NCOR2: variants seen among roughly 807,000 people sequenced by gnomAD.
The protein encoded by NCOR2 is CTG repeat protein 26.
In NCOR2, 81 loss-of-function variants were observed where a neutral mutation model predicts 262.9. The ratio of observed to expected loss-of-function variants is 0.31; its 90% CI spans 0.26 to 0.37. The LOEUF is 0.37. Among genes scored for constraint, NCOR2 ranks in the 10% least tolerant of loss-of-function variants. NCOR2 has a pLI of 1.00. For synonymous variants in NCOR2, 1,659 were observed against 1,559.3 expected (o/e 1.06, Z -1.51); for missense variants, 3,385 against 3,621.4 (o/e 0.93, Z 1.68).
chr12:124,414,248 T>C (rs2042743069), intron 13 of NCOR2, among the ~76,000 whole-genome samples: 1 of 152,186 alleles, frequency 6.6e-6, no homozygotes, highest in South Asian at 2.1e-4. Flanking sequence ...AGCAGGCTCC[T>C]TGGAAGCTTC....
At chr12:124,516,149 G>A (rs1245881063) in intron 1 of NCOR2, among the ~76,000 whole-genome samples, 5 of 152,218 alleles carry the variant, frequency 3.3e-5, no homozygotes, top group Non-Finnish European at 4.4e-5. Flanking sequence ...GGGCCTGGAC[G>A]CCCGGGGAAC....
At chr12:124,498,719 T>C (rs1037374875), upstream of NCOR2, among the ~76,000 whole-genome samples, 1 of 152,172 alleles carries the variant, frequency 6.6e-6, no homozygotes, top group Admixed American at 6.5e-5. Flanking sequence ...ACGGTATGCA[T>C]GTTCATGGCA....
intron 1 of NCOR2, among the ~76,000 whole-genome samples, chr12:124,509,244 G>GA (rs1159998811): frequency 2.0e-5 from 3 of 151,046 alleles, no homozygotes; most frequent in Non-Finnish European, 2.9e-5. Flanking sequence ...GTGGGGGGGG[G>GA]GGGGGCTTAA....
rs1037123509 is a variant in NCOR2 at position 124,332,139 on chromosome 12, G to C, written c.6904+180C>G. 9.9e-6 allele frequency: 7 copies of C among 706,064 alleles called. No homozygotes were observed. In the Admixed American group the frequency reaches 2.0e-4, roughly 21 times the overall value. The allele number at this position is 706,064 out of a possible 1,614,324, so 43.7% of individuals were successfully genotyped here. ...TCCTATGGAAAGCCCAGCAAATCAA[G>C]AAACTGCCCTGGGGCTCCCCAAATG... On this transcript the variant is annotated intron_variant, in intron 43 of 46. Transcript: ENST00000405201.
intron 1 of NCOR2, among the ~76,000 whole-genome samples, chr12:124,520,695 G>A (rs1156342810): frequency 6.6e-6 from 1 of 152,150 alleles, no homozygotes; most frequent in East Asian, 1.9e-4. Flanking sequence ...AGAGCCTGTG[G>A]CCAAAACCAA....
intron 13 of NCOR2, among the ~76,000 whole-genome samples, chr12:124,403,845 G>C (rs1413291175): frequency 6.6e-6 from 1 of 152,192 alleles, no homozygotes; most frequent in Non-Finnish European, 1.5e-5. Context: ...AGGCAACCGT[G>C]GGCTCCCTGA....
exon 32 of NCOR2, chr12:124,344,818 G>A: frequency 6.4e-7 from 1 of 1,555,418 alleles, no homozygotes; most frequent in Non-Finnish European, 8.7e-7. Flanking sequence ...ACGTTCCAGT[G>A]CCCGGGCGTC....
Position 124,440,630 on chromosome 12 carries a change from G to A in NCOR2, c.816-2634C>T, listed in dbSNP as rs1214188232. ...TGCCAGGCACTGTTCCAGGTGCTGG[G>A]GACACAGCAGGGAGCAAGACACAGT... On this transcript the variant is annotated intron_variant, in intron 7 of 46. Transcript: ENST00000405201. The surrounding 1 kb of genome is among the most constrained non-coding windows in gnomAD (Gnocchi z 5.7). Among the ~76,000 whole-genome samples, 1 of 152,256 alleles carries A rather than the reference G, an allele frequency of 6.6e-6. No homozygotes were observed. The highest frequency in any genetic ancestry group is 1.5e-5 in the Non-Finnish European group (1 of 68,050).
upstream of NCOR2, among the ~76,000 whole-genome samples, chr12:124,498,146 C>T (rs2136925290): frequency 6.6e-6 from 1 of 152,350 alleles, no homozygotes; most frequent in South Asian, 2.1e-4. Flanking sequence ...CCACGGGCAA[C>T]TTCCAAATTG....
chr12:124,528,200 T>A (rs145846892), intron 1 of NCOR2, among the ~76,000 whole-genome samples: 2 of 152,050 alleles, frequency 1.3e-5, no homozygotes, highest in Non-Finnish European at 2.9e-5. Context: ...TCCCTCCAGC[T>A]GGGGTGGGGA....
chr12:124,325,378 C>CCCCT, exon 47 of NCOR2: 1 of 232,298 alleles, frequency 4.3e-6, no homozygotes, highest in Non-Finnish European at 6.5e-6. Context: ...CCTGACACCG[C>CCCCT]CCCCCCCCCC....
At position 124,333,297 on chromosome 12, in the gene NCOR2, C is replaced by G. The variant is rs759882093; in HGVS notation, c.6606-18G>C. 18 of 1,583,296 alleles carry G rather than the reference C, an allele frequency of 1.1e-5. No individual in the cohort carries two copies. Among genetic ancestry groups the G allele is most frequent in the Non-Finnish European group, 1.5e-5 (18 of 1,162,748 alleles). ...CTGGAGACCTGGATGGAGAAAGGGC[C>G]CCAGATGTGGTCAGAGGTCTCCCTA... On this transcript the variant is annotated intron_variant, in intron 41 of 46. Transcript: ENST00000405201.
Position 124,503,071 on chromosome 12 carries a change from C to T in NCOR2, c.-117-7703G>A, listed in dbSNP as rs901907788. Among the ~76,000 whole-genome samples, 6 of 152,342 alleles carry T rather than the reference C, an allele frequency of 3.9e-5. No homozygotes were observed. The highest frequency in any genetic ancestry group is 1.4e-4 in the African/African-American group (6 of 41,576). On this transcript the variant is annotated intron_variant, in intron 1 of 46. Transcript: ENST00000404621. This position sits in a 1 kb window ranked among gnomAD's most constrained non-coding sequence, Gnocchi z 4.3. ...GAGGGTCAAATACTAAGAGCTCAAT[C>T]CCGGGTGCCACCCACAAGGGTGCGG...
exon 47 of NCOR2, chr12:124,325,320 T>A: frequency 1.1e-6 from 1 of 944,132 alleles, no homozygotes; most frequent in Non-Finnish European, 1.4e-6. Context: ...GTTGGGGGAG[T>A]CGGCAGCCGC....
At chr12:124,325,557 G>C in exon 47 of NCOR2, 1 of 1,318,490 alleles carries the variant, frequency 7.6e-7, no homozygotes, top group Non-Finnish European at 9.8e-7. Flanking sequence ...CGCATGATCA[G>C]GGGGTTGTAG....
At chr12:124,365,267 C>T (rs2038938394) in intron 20 of NCOR2, among the ~76,000 whole-genome samples, 1 of 152,212 alleles carries the variant, frequency 6.6e-6, no homozygotes, top group South Asian at 2.1e-4. Flanking sequence ...TCGGCACAGC[C>T]CCTACTCTGT....
At chr12:124,467,813 TTATCACCCC>T (rs2136654065) in intron 4 of NCOR2, among the ~76,000 whole-genome samples, 1 of 48,850 alleles carries the variant, frequency 2.0e-5, no homozygotes, top group South Asian at 1.3e-3. Flanking sequence ...ATCCTCATCC[TTATCACCCC>T]CATCACCCTC....
chr12:124,427,617 CG>C (rs1177493111), intron 10 of NCOR2, among the ~76,000 whole-genome samples: 1 of 152,206 alleles, frequency 6.6e-6, no homozygotes. Flanking sequence ...AGGTCGGGTG[CG>C]GGGCACAGCT....
At chr12:124,441,466 T>TAAAGA (rs1753082579) in intron 7 of NCOR2, among the ~76,000 whole-genome samples, 1 of 152,212 alleles carries the variant, frequency 6.6e-6, no homozygotes, top group Admixed American at 6.5e-5. Flanking sequence ...CAGATCTTTC[T>TAAAGA]TCTAGAGTTC....
Sources: gnomAD v4.1 joint callset for allele counts (sites outside exome capture counted in the v4.1 genomes callset) on GRCh38, gnomAD v4.1.1 for gene constraint, Gnocchi (gnomAD v3.1) non-coding constraint, MANE v1.5 for transcripts, NCBI Gene and HGNC (gene_info 2026-07-23, HGNC 2026-07-21) for gene names.